The following AGBL1 variants were observed in gnomAD, a reference collection of about 807,000 sequenced individuals.
AGBL1 encodes the protein AGBL carboxypeptidase 1, also known as cytosolic carboxypeptidase 4.
AGBL1 carries 130 observed loss-of-function variants against 118.9 expected under a neutral mutation model. The ratio of observed to expected loss-of-function variants is 1.09; its 90% CI spans 0.95 to 1.26. The LOEUF (loss-of-function observed/expected upper bound fraction) is 1.26, where lower values mean the gene tolerates loss of function less well. Among genes scored for constraint, AGBL1 ranks in the 50% most tolerant of loss-of-function variants. The pLI, the probability that AGBL1 is intolerant of heterozygous loss-of-function variation, is 0.00. For synonymous variants in AGBL1, 555 were observed against 478.9 expected (o/e 1.16, Z -2.08); for missense variants, 1,584 against 1,298.1 (o/e 1.22, Z -3.38).
At chr15:86,449,802 G>A (rs1040419381) in intron 18 of AGBL1, among the ~76,000 whole-genome samples, 3 of 152,186 alleles carry the variant, frequency 2.0e-5, no homozygotes, top group Non-Finnish European at 4.4e-5. Flanking sequence ...GTGCCTGTGA[G>A]TGGAGTGACT....
At chr15:86,844,403 C>T (rs1345186982) in intron 22 of AGBL1, among the ~76,000 whole-genome samples, 1 of 152,104 alleles carries the variant, frequency 6.6e-6, no homozygotes, top group Admixed American at 6.5e-5. Flanking sequence ...TATAGCTATT[C>T]TAGTGAGTTG....
intron 22 of AGBL1, among the ~76,000 whole-genome samples, chr15:86,869,209 G>A (rs2079683498): frequency 6.6e-6 from 1 of 152,146 alleles, no homozygotes; most frequent in African/African-American, 2.4e-5. Context: ...TGTGTCAGGG[G>A]AAAAGCTAGC....
chr15:86,212,291 T>C (rs1254218025), intron 5 of AGBL1, among the ~76,000 whole-genome samples: 2 of 152,190 alleles, frequency 1.3e-5, no homozygotes, highest in Non-Finnish European at 2.9e-5. Context: ...GCAATTTCCA[T>C]GTTACCGTAA....
At position 86,410,934 on chromosome 15, in the gene AGBL1, ATATAT is replaced by A. The variant is rs1372295581; in HGVS notation, c.2555+13394_2555+13398del. On this transcript the variant is annotated intron_variant, in intron 18 of 22. Transcript: ENST00000614907. ...ATATATGTTATATAATATATATAAC[ATATAT>A]TATATATATATAGAGAGAGATCTTG... 1.1e-4 allele frequency among the ~76,000 whole-genome samples: 14 copies of A among 123,804 alleles called. No homozygotes were observed. In the East Asian group the frequency reaches 2.8e-3, roughly 25 times the overall value. 81.2% of individuals were successfully genotyped at this position (123,804 alleles called of 152,430 possible).
At chr15:86,388,658 A>G (rs1429545761) in intron 17 of AGBL1, among the ~76,000 whole-genome samples, 1 of 152,330 alleles carries the variant, frequency 6.6e-6, no homozygotes, top group African/African-American at 2.4e-5. Context: ...TCTCAATAAG[A>G]TTCATTTTGG....
intron 21 of AGBL1, among the ~76,000 whole-genome samples, chr15:86,566,219 G>T (rs1349004621): frequency 6.6e-6 from 1 of 152,166 alleles, no homozygotes; most frequent in Non-Finnish European, 1.5e-5. Context: ...TTCTGCATCA[G>T]TCACACTGGG....
At chr15:86,120,703 A>C (rs1039176453) in intron 1 of AGBL1, among the ~76,000 whole-genome samples, 1 of 152,152 alleles carries the variant, frequency 6.6e-6, no homozygotes, top group African/African-American at 2.4e-5. Flanking sequence ...TTTGGTTCTC[A>C]ATAAAGGTAT....
intron 19 of AGBL1, among the ~76,000 whole-genome samples, chr15:86,540,108 A>G (rs2083474406): frequency 6.6e-6 from 1 of 152,232 alleles, no homozygotes; most frequent in African/African-American, 2.4e-5. Context: ...GCATAATAAT[A>G]GCACCTACTT....
chr15:86,478,698 C>G (rs1183908036), intron 18 of AGBL1, among the ~76,000 whole-genome samples: 1 of 152,140 alleles, frequency 6.6e-6, no homozygotes, highest in Non-Finnish European at 1.5e-5. Context: ...CATCAAGCTA[C>G]CAATGACTTT....
At chr15:86,414,999 A>G (rs966700529) in intron 18 of AGBL1, among the ~76,000 whole-genome samples, 1 of 152,150 alleles carries the variant, frequency 6.6e-6, no homozygotes, top group Non-Finnish European at 1.5e-5. Context: ...GTTCTTGGGA[A>G]TAACACCTAT....
intron 5 of AGBL1, among the ~76,000 whole-genome samples, chr15:86,218,085 C>A (rs142755235): frequency 6.6e-6 from 1 of 152,100 alleles, no homozygotes; most frequent in Non-Finnish European, 1.5e-5. Context: ...TAAGGAATAA[C>A]CTAGGAAGTT....
chr15:87,021,492 T>A lies in AGBL1; in HGVS notation c.3324-7333T>A, dbSNP rs190916614. On this transcript the variant is annotated intron_variant, in intron 24 of 24. Coordinates refer to the AGBL1 transcript ENST00000441037. ...ATTGCAACAGAAGCAAAAATTGACATATGGAATCTAATTAAACTAAAGAGC... is the reference window on the plus strand; with the variant it reads ...ATTGCAACAGAAGCAAAAATTGACAAATGGAATCTAATTAAACTAAAGAGC... Among the ~76,000 whole-genome samples the A allele has an allele frequency of 4.9e-3, 637 of 129,798 alleles. 9 individuals are homozygous for A. The highest frequency in any genetic ancestry group is 0.019 in the African/African-American group (620 of 33,268). The allele number at this position is 129,798 out of a possible 152,430, so 85.2% of individuals were successfully genotyped here. A position where few individuals can be genotyped will look rare whatever the true frequency, so the allele number is the denominator to read the frequency against.
chr15:86,284,358 C>A (rs773221393), intron 16 of AGBL1, among the ~76,000 whole-genome samples: 80 of 151,626 alleles, frequency 5.3e-4, no homozygotes, highest in Non-Finnish European at 8.1e-4. Context: ...ACCATCCTTT[C>A]TTTATAATTG....
intron 21 of AGBL1, among the ~76,000 whole-genome samples, chr15:86,666,882 G>C (rs2085653794): frequency 6.6e-6 from 1 of 152,110 alleles, no homozygotes; most frequent in African/African-American, 2.4e-5. Context: ...GGAAGCACTA[G>C]GACTGTAACC....
chr15:86,875,227 G>C (rs548380413), intron 22 of AGBL1, among the ~76,000 whole-genome samples: 132 of 152,162 alleles, frequency 8.7e-4, no homozygotes, highest in South Asian at 3.5e-3. Flanking sequence ...ACCCTGCTCA[G>C]GGCAGGCACT....
chr15:86,486,875 A>C (rs2082719361), intron 18 of AGBL1, among the ~76,000 whole-genome samples: 1 of 151,948 alleles, frequency 6.6e-6, no homozygotes. Context: ...ACCTCTGTAC[A>C]TGGATTCCTG....
intron 22 of AGBL1, among the ~76,000 whole-genome samples, chr15:86,847,562 C>G (rs115070317): frequency 1.4e-3 from 213 of 152,260 alleles, no homozygotes; most frequent in African/African-American, 4.6e-3. Context: ...TTAAAGGCCA[C>G]GCAGTTATGC....
intron 23 of AGBL1, among the ~76,000 whole-genome samples, chr15:86,962,501 G>A (rs542894531): frequency 7.9e-5 from 12 of 151,646 alleles, no homozygotes; most frequent in African/African-American, 2.4e-4. Context: ...CCACATATTC[G>A]TTTCACCACA....
chr15:86,796,636 A>G (rs781001033), intron 22 of AGBL1, among the ~76,000 whole-genome samples: 5 of 152,210 alleles, frequency 3.3e-5, no homozygotes, highest in African/African-American at 1.2e-4. Context: ...TTTTGGAGCA[A>G]TAGTCAGCAA....
Sources: gnomAD v4.1 joint callset for allele counts (sites outside exome capture counted in the v4.1 genomes callset) on GRCh38, gnomAD v4.1.1 for gene constraint, MANE v1.5 for transcripts, NCBI Gene and HGNC (gene_info 2026-07-23, HGNC 2026-07-21) for gene names.